The following TERF1 variants were observed in gnomAD, a reference collection of about 807,000 sequenced individuals.
The protein encoded by TERF1 is telomeric repeat-binding factor 1.
In TERF1, 20 loss-of-function variants were observed where a neutral mutation model predicts 55.1. The ratio of observed to expected loss-of-function variants is 0.36; its 90% confidence interval spans 0.26 to 0.53. TERF1 has a LOEUF of 0.53. Among genes scored for constraint, TERF1 ranks in the 20% least tolerant of loss-of-function variants. TERF1 has a pLI of 0.91. For missense variants in TERF1, 439 were observed against 535.7 expected (o/e 0.82, Z 1.78); for synonymous variants, 168 against 181.2 (o/e 0.93, Z 0.59).
At chr8:73,019,578 C>T (rs1033671053) in intron 2 of TERF1, among the ~76,000 whole-genome samples, 9 of 152,154 alleles carry the variant, frequency 5.9e-5, no homozygotes, top group African/African-American at 9.7e-5. Flanking sequence ...CAAGGTCACG[C>T]TGGAAGGCTG....
At position 73,028,265 on chromosome 8, in the gene TERF1, A is replaced by G. The variant is rs948567286; in HGVS notation, c.887+1213A>G. Among the ~76,000 whole-genome samples, 5 of 152,240 alleles carry G rather than the reference A, an allele frequency of 3.3e-5. No homozygotes were observed. In the East Asian group the frequency reaches 9.7e-4, roughly 29 times the overall value. ...CTCTCCTAGACACAAACACAGTGCAATCCATGTGTACCAAACAGAACTCTT... is the reference window on the plus strand; with the variant it reads ...CTCTCCTAGACACAAACACAGTGCAGTCCATGTGTACCAAACAGAACTCTT... On this transcript the variant is annotated intron_variant, in intron 6 of 9. Coordinates refer to ENST00000276603, the MANE Select transcript of TERF1 (RefSeq NM_017489.3).
chr8:73,016,295 G>A, intron 2 of TERF1, among the ~76,000 whole-genome samples: 1 of 129,856 alleles, frequency 7.7e-6, no homozygotes, highest in South Asian at 2.4e-4. Flanking sequence ...TACCATATTG[G>A]GTTTAGTCTC....
intron 9 of TERF1, among the ~76,000 whole-genome samples, chr8:73,040,390 C>G (rs1421634822): frequency 6.6e-6 from 1 of 152,142 alleles, no homozygotes; most frequent in African/African-American, 2.4e-5. Flanking sequence ...CCCTTTCTAC[C>G]TACATTATGG....
chr8:73,037,779 T>TA (rs1809637066), intron 8 of TERF1, among the ~76,000 whole-genome samples: 1 of 49,612 alleles, frequency 2.0e-5, no homozygotes, highest in Non-Finnish European at 4.3e-5. Flanking sequence ...AATATATATA[T>TA]TATATATAAT....
Position 73,037,844 on chromosome 8 carries a change from A to T in TERF1, c.1040-1272A>T, listed in dbSNP as rs868774766. Among the ~76,000 whole-genome samples the T allele has an allele frequency of 4.6e-3, 438 of 94,822 alleles. 3 individuals carry two copies. Among genetic ancestry groups the T allele is most frequent in the Middle Eastern group, 0.014 (3 of 214 alleles). 62.2% of individuals were successfully genotyped at this position (94,822 alleles called of 152,430 possible). A position where few individuals can be genotyped will look rare whatever the true frequency, so the allele number is the denominator to read the frequency against. On this transcript the variant is annotated intron_variant, in intron 8 of 9. Coordinates refer to ENST00000276603, the MANE Select transcript of TERF1 (RefSeq NM_017489.3). ...TAATATATAGTATAATAATATATATAATATATAATATATAAATATGATATA... is the reference window on the plus strand; with the variant it reads ...TAATATATAGTATAATAATATATATTATATATAATATATAAATATGATATA...
chr8:73,046,005 G>C lies in TERF1; in HGVS notation c.1188G>C (p.Arg396Ser). 1 of 1,605,668 alleles carries C rather than the reference G, an allele frequency of 6.2e-7. No individual in the cohort carries two copies. Among genetic ancestry groups the C allele is most frequent in the Non-Finnish European group, 8.5e-7 (1 of 1,176,764 alleles). Reference protein sequence around the residue: ...EEDKNLRSGVRKYGEGNWSKI... With the variant: ...EEDKNLRSGVSKYGEGNWSKI... ...ACAAGAATTTGAGATCTGGCGTGAG[G>C]AAATATGGAGAGGGAAACTGGTCTA... Residue 396 changes from arginine (R) to serine (S), a missense_variant, in exon 10 of 10, where the codon AGG becomes AGC. Coordinates refer to ENST00000276603, the MANE Select transcript of TERF1 (RefSeq NM_017489.3).
intron 8 of TERF1, among the ~76,000 whole-genome samples, chr8:73,035,153 G>A (rs1306908366): frequency 6.6e-6 from 1 of 152,054 alleles, no homozygotes; most frequent in African/African-American, 2.4e-5. Flanking sequence ...GCTTTAAGAG[G>A]TCATTCAACT....
chr8:73,009,564 C>G, intron 1 of TERF1: 1 of 216,636 alleles, frequency 4.6e-6, no homozygotes, highest in Non-Finnish European at 9.2e-6. Flanking sequence ...CCTGTGGCCT[C>G]CAGTAACCCC....
At chr8:73,020,874 C>T (rs1331200945) in intron 3 of TERF1, 69 bp downstream of exon 3, 2 of 990,592 alleles carry the variant, frequency 2.0e-6, no homozygotes, top group Non-Finnish European at 2.9e-6. Context: ...TTAAGAGGAA[C>T]CTAGTAGAAG....
At chr8:73,020,413 A>T (rs1051291066) in intron 2 of TERF1, among the ~76,000 whole-genome samples, 6 of 152,178 alleles carry the variant, frequency 3.9e-5, no homozygotes, top group African/African-American at 1.2e-4. Context: ...ATGACATGTT[A>T]TGTAAAATAG....
chr8:73,022,554 G>A lies in TERF1; in HGVS notation c.624+252G>A, dbSNP rs182215527. On this transcript the variant is annotated intron_variant, in intron 4 of 9. Transcript: ENST00000276603. ...GAGGATCTCTTGAGCTCAGGCATTC[G>A]AGACCAGCCTGGGCAACATGGAGAG... Among the ~76,000 whole-genome samples the A allele has an allele frequency of 1.8e-3, 275 of 152,100 alleles. 2 individuals carry two copies. Among genetic ancestry groups the A allele is most frequent in the African/African-American group, 6.4e-3 (265 of 41,464 alleles).
At chr8:73,045,018 C>T (rs77678707) in intron 9 of TERF1, among the ~76,000 whole-genome samples, 650 of 152,238 alleles carry the variant, frequency 4.3e-3, no homozygotes, top group African/African-American at 0.015. Flanking sequence ...GGTCCCTGCT[C>T]TCGACTCTTT....
At chr8:73,027,381 T>C (rs943619125) in intron 6 of TERF1, among the ~76,000 whole-genome samples, 2 of 152,234 alleles carry the variant, frequency 1.3e-5, no homozygotes, top group African/African-American at 4.8e-5. Flanking sequence ...ATGTGATTCA[T>C]GTTTCACTGT....
intron 1 of TERF1, chr8:73,009,782 C>G (rs1025949163): frequency 2.6e-5 from 4 of 152,956 alleles, no homozygotes; most frequent in African/African-American, 9.7e-5. Flanking sequence ...GATCGTGCCA[C>G]TACAGTCCTG....
At chr8:73,038,298 T>TA (rs150700109) in intron 8 of TERF1, among the ~76,000 whole-genome samples, 11,177 of 151,814 alleles carry the variant, frequency 0.074, 552 homozygotes, top group Non-Finnish European at 0.11. Flanking sequence ...AAAAAAATTT[T>TA]AAAAAATTAG....
rs1415103339 is a variant in TERF1 at position 73,009,307 on chromosome 8, T to A, written c.319+102T>A. The A allele has an allele frequency of 4.1e-5, 3 of 73,920 alleles. No individual in the cohort carries two copies. The African/African-American group carries it at 4.8e-4, about 12-fold the overall frequency. The allele number at this position is 73,920 out of a possible 1,614,324, so 4.6% of individuals were successfully genotyped here. ...TTCCCTACGTCGCCGAGGGAGGGGCTGCTGCGGCCGATTAGCTGGGAGTCC... is the reference window on the plus strand; with the variant it reads ...TTCCCTACGTCGCCGAGGGAGGGGCAGCTGCGGCCGATTAGCTGGGAGTCC... On this transcript the variant is annotated intron_variant, in intron 1 of 9. Transcript: ENST00000276603.
intron 6 of TERF1, among the ~76,000 whole-genome samples, chr8:73,027,590 G>T (rs1232123621): frequency 6.6e-6 from 1 of 152,060 alleles, no homozygotes; most frequent in Non-Finnish European, 1.5e-5. Flanking sequence ...AGGGGTGATT[G>T]TTGTCTTTTG....
chr8:73,026,010 C>T (rs1808976915), intron 5 of TERF1, among the ~76,000 whole-genome samples: 1 of 150,950 alleles, frequency 6.6e-6, no homozygotes, highest in South Asian at 2.1e-4. Flanking sequence ...GCCTGGGCAA[C>T]ATGGCAAAAC....
At chr8:73,030,474 C>T (rs1809239265) in intron 7 of TERF1, 79 bp downstream of exon 7, 6 of 900,594 alleles carry the variant, frequency 6.7e-6, no homozygotes, top group Admixed American at 7.7e-5. Context: ...ATAAAAACTA[C>T]CACATAAATG....
Sources: allele counts gnomAD v4.1 joint callset (sites outside exome capture counted in the v4.1 genomes callset), GRCh38; gene constraint gnomAD v4.1.1; transcripts MANE v1.5; gene names NCBI Gene and HGNC (gene_info 2026-07-23, HGNC 2026-07-21).